FLG: variants seen among roughly 807,000 people sequenced by gnomAD.
FLG encodes filaggrin, also known as epidermal filaggrin.
Under a neutral mutation model 3.8 loss-of-function variants are expected in FLG, and 6 were observed. The observed-to-expected ratio is 1.60, with a 90% CI of 0.87 to 3.15. The LOEUF is 3.15. FLG is among the 30% of genes most tolerant of loss of function. FLG has a pLI of 0.00. For missense variants in FLG, 7,595 were observed against 5,050.9 expected, an observed-to-expected ratio of 1.50 and a Z score of -15.27; for synonymous variants, 2,551 against 1,931.6, an observed-to-expected ratio of 1.32 and a Z score of -8.41.
At position 152,302,867 on chromosome 1, in the gene FLG, C is replaced by A; in HGVS notation, c.12019G>T (p.Val4007Phe). 1 of 1,614,174 alleles carries A rather than the reference C, an allele frequency of 6.2e-7. No individual in the cohort carries two copies. Among genetic ancestry groups the A allele is most frequent in the Non-Finnish European group, 8.5e-7 (1 of 1,180,040 alleles). The part of the protein sequence containing the change: ...GSVSYNSNPV[V>F]FKERSDICKA... ...CAGATATCAGATCTTTCCTTGAAAA[C>A]AACAGGATTGGAATTGTAACTAACA... Residue 4007 changes from valine (V) to phenylalanine (F), a missense_variant, in exon 3 of 3, where the codon GTT becomes TTT. Transcript: ENST00000368799.
At chr1:152,324,484 T>A (rs1320315402) in intron 1 of FLG, among the ~76,000 whole-genome samples, 1 of 151,898 alleles carries the variant, frequency 6.6e-6, no homozygotes, top group Non-Finnish European at 1.5e-5. Flanking sequence ...GTTTCTTTTG[T>A]GTTTAAGATC....
Position 152,303,976 on chromosome 1 carries a change from G to C in FLG, c.10910C>G (p.Ser3637Cys), listed in dbSNP as rs547199803. The C allele has an allele frequency of 6.2e-7, 1 of 1,613,976 alleles. No homozygotes were observed. Among genetic ancestry groups the C allele is most frequent in the African/African-American group, 1.3e-5 (1 of 75,014 alleles). Residue 3637 changes from serine to cysteine, a missense_variant, in exon 3 of 3, where the codon TCC (serine) becomes TGC (cysteine). Transcript: ENST00000368799. The part of the protein sequence containing the change: ...GSHHQQSADS[S>C]RHSGIGHGQA... ...TCCGTGCCCAATGCCTGAGTGTCTG[G>C]AGCTGTCTGCTGACTGCTGGTGGTG...
intron 1 of FLG, among the ~76,000 whole-genome samples, chr1:152,323,595 C>G (rs970721611): frequency 6.6e-6 from 1 of 151,466 alleles, no homozygotes; most frequent in African/African-American, 2.4e-5. Context: ...GACCTCAATA[C>G]ACCCACCAAA....
At position 152,314,653 on chromosome 1, in the gene FLG, A is replaced by G. The variant is rs1652709887; in HGVS notation, c.233T>C (p.Val78Ala). 6.2e-7 allele frequency: 1 copy of G among 1,613,990 alleles called. No homozygotes were observed. The highest frequency in any genetic ancestry group is 1.3e-5 in the African/African-American group (1 of 74,920). ...KIDFTEFLLM[V>A]FKLAQAYYES... Reference sequence around the variant, plus strand: ...ATAATATGCTTGAGCCAACTTGAATACCATCAGAAGAAACTCAGTGAAGTC... The same window carrying G: ...ATAATATGCTTGAGCCAACTTGAATGCCATCAGAAGAAACTCAGTGAAGTC... Residue 78 changes from valine (V) to alanine (A), a missense_variant, in exon 3 of 3, where the codon GTA becomes GCA. By Grantham distance (64) the Val-to-Ala change is moderately conservative (BLOSUM62 0). Coordinates refer to ENST00000368799, the MANE Select transcript of FLG (RefSeq NM_002016.2).
chr1:152,322,811 T>C (rs1030673368), intron 1 of FLG, among the ~76,000 whole-genome samples: 3 of 151,444 alleles, frequency 2.0e-5, no homozygotes, highest in African/African-American at 7.3e-5. Context: ...CTTAAATTCA[T>C]TTATAGATGC....
rs2184953 is a variant in FLG, at chr1:152,308,306, A to G, written c.6580T>C (p.Tyr2194His). Residue 2194 changes from tyrosine to histidine, a missense_variant, in exon 3 of 3, where the codon TAT (tyrosine) becomes CAT (histidine). Physicochemically the swap from Tyr to His is moderately conservative, Grantham distance 83. Transcript: ENST00000368799. Reference sequence around the variant, plus strand: ...CCATCTCCTGATTGTTCCTTGTCATATGTTTTTCTGCTTGCACTTCTGGAT... The same window carrying G: ...CCATCTCCTGATTGTTCCTTGTCATGTGTTTTTCTGCTTGCACTTCTGGAT... Reference protein sequence around the residue: ...SGSRSASRKTYDKEQSGDGSR... With the variant: ...SGSRSASRKTHDKEQSGDGSR... 0.23 allele frequency: 376,527 copies of G among 1,613,226 alleles called. 63,839 individuals carry two copies. The highest frequency in any genetic ancestry group is 0.71 in the African/African-American group (52,934 of 74,824).
Position 152,310,757 on chromosome 1 carries a change from G to T in FLG, c.4129C>A (p.Gln1377Lys). The change falls in exon 3 of 3, where the codon CAA becomes AAA. Residue 1377 changes from glutamine to lysine, a missense_variant. Physicochemically the swap from Gln to Lys is moderately conservative, Grantham distance 53. Transcript: ENST00000368799. ...SSRHSGIGHR[Q>K]ASSAVRDSGH... The stretch of plus-strand genomic sequence containing the variant: ...CTGTCTCTGACTGCAGATGAAGCTT[G>T]TCTGTGCCCAATGCCTGAGTGTCTG... The T allele has an allele frequency of 6.2e-7, 1 of 1,614,024 alleles. No homozygotes were observed. The highest frequency in any genetic ancestry group is 8.5e-7 in the Non-Finnish European group (1 of 1,180,008).
chr1:152,303,038 G>T lies in FLG; in HGVS notation c.11848C>A (p.Pro3950Thr). The change falls in exon 3 of 3, where the codon CCT becomes ACT. Residue 3950 changes from proline (P) to threonine (T), a missense_variant. By Grantham distance (38) the Pro-to-Thr change is conservative. Coordinates refer to ENST00000368799, the MANE Select transcript of FLG (RefSeq NM_002016.2). Reference protein sequence around the residue: ...YHSGIQSRGSPHSSSSYHYQS... With the variant: ...YHSGIQSRGSTHSSSSYHYQS... ...TAATGATAAGAACTAGAACTGTGAG[G>T]ACTGCCACGTGACTGTATTCCTGAG... 2 of 1,614,144 alleles carry T rather than the reference G, an allele frequency of 1.2e-6. No individual in the cohort carries two copies. The highest frequency in any genetic ancestry group is 1.7e-6 in the Non-Finnish European group (2 of 1,180,034).
Position 152,312,590 on chromosome 1 carries a change from C to T in FLG, c.2296G>A (p.Gly766Arg), listed in dbSNP as rs779197735. ...CTCTGCTGATGGTGACCAGCCTGTCCATGGCCTGACACTGACTGTGTGTCT... is the reference window on the plus strand; with the variant it reads ...CTCTGCTGATGGTGACCAGCCTGTCTATGGCCTGACACTGACTGTGTGTCT... Reference protein sequence around the residue: ...DSDTQSVSGHGQAGHHQQSHQ... With the variant: ...DSDTQSVSGHRQAGHHQQSHQ... Residue 766 changes from glycine to arginine, a missense_variant, in exon 3 of 3, where the codon GGA (glycine) becomes AGA (arginine). Transcript: ENST00000368799. The T allele has an allele frequency of 1.9e-6, 3 of 1,613,730 alleles. No homozygotes were observed. Among genetic ancestry groups the T allele is most frequent in the Non-Finnish European group, 2.5e-6 (3 of 1,179,928 alleles).
rs767216620 is a variant in FLG at position 152,304,324 on chromosome 1, G to T, written c.10562C>A (p.Ser3521Tyr). 19 of 1,611,524 alleles carry T rather than the reference G, an allele frequency of 1.2e-5. No homozygotes were observed. Among genetic ancestry groups the T allele is most frequent in the Non-Finnish European group, 3.4e-6 (4 of 1,178,888 alleles). Residue 3521 changes from serine (S) to tyrosine (Y), a missense_variant, in exon 3 of 3, where the codon TCC becomes TAC. Transcript: ENST00000368799. ...TQADSSRHSQSGQGQSAGPRT... is the reference protein window; with the variant it reads ...TQADSSRHSQYGQGQSAGPRT... ...GGGCCCCGCTGATTGTCCCTGGCCGGACTGTGAGTGTCTAGAGCTGTCCGC... is the reference window on the plus strand; with the variant it reads ...GGGCCCCGCTGATTGTCCCTGGCCGTACTGTGAGTGTCTAGAGCTGTCCGC...
Position 152,312,646 on chromosome 1 carries a change from G to C in FLG, c.2240C>G (p.Ala747Gly), listed in dbSNP as rs755142336. Residue 747 changes from alanine to glycine, a missense_variant, in exon 3 of 3, where the codon GCC becomes GGC. Ala to Gly is a moderately conservative substitution (Grantham distance 60). Transcript: ENST00000368799. ...TTCTGAATGTCCCTCACTGTCAGTGGCCTGACTACCACTGGACCCTCGGTG... is the reference window on the plus strand; with the variant it reads ...TTCTGAATGTCCCTCACTGTCAGTGCCCTGACTACCACTGGACCCTCGGTG... ...SGHRGSSGSQ[A>G]TDSEGHSEDS... 6.2e-7 allele frequency: 1 copy of C among 1,613,744 alleles called. No homozygotes were observed. Among genetic ancestry groups the C allele is most frequent in the Non-Finnish European group, 8.5e-7 (1 of 1,179,986 alleles).
intron 1 of FLG, among the ~76,000 whole-genome samples, chr1:152,322,071 T>TA (rs1022507175): frequency 7.9e-5 from 12 of 151,228 alleles, no homozygotes; most frequent in African/African-American, 2.4e-4. Flanking sequence ...GAAAAATTGA[T>TA]AAAATCCAAT....
chr1:152,324,435 G>A (rs11587334), intron 1 of FLG, among the ~76,000 whole-genome samples: 2,285 of 151,934 alleles, frequency 0.015, 23 homozygotes, highest in Non-Finnish European at 0.022. Flanking sequence ...TTTGGGACAA[G>A]TTTACTCTTG....
intron 1 of FLG, among the ~76,000 whole-genome samples, chr1:152,324,908 T>C (rs1653099601): frequency 6.6e-6 from 1 of 151,918 alleles, no homozygotes. Context: ...CACTGCTGCA[T>C]AGATAGAGCC....
chr1:152,313,126 C>T lies in FLG; in HGVS notation c.1760G>A (p.Arg587His), dbSNP rs777197850. 7.7e-5 allele frequency: 125 copies of T among 1,613,692 alleles called. No homozygotes were observed. The highest frequency in any genetic ancestry group is 2.2e-4 in the East Asian group (10 of 44,826). The stretch of plus-strand genomic sequence containing the variant: ...AGCCTGAGAGGAAGCTTCATGATGA[C>T]GTGACCCTGAGTGCCTGGTGCCGTC... ...SGDGTRHSGS[R>H]HHEASSQADS... The change falls in exon 3 of 3, where the codon CGT becomes CAT. Residue 587 changes from arginine (R) to histidine (H), a missense_variant. By Grantham distance (29) the Arg-to-His change is conservative (BLOSUM62 0). Transcript: ENST00000368799.
In FLG at chr1:152,311,476, C is replaced by A. The variant is rs546382754; in HGVS notation, c.3410G>T (p.Ser1137Ile). 7 of 1,613,926 alleles carry A rather than the reference C, an allele frequency of 4.3e-6. No individual in the cohort carries two copies. The East Asian group carries it at 8.9e-5, about 21-fold the overall frequency. ...SESAHGRTRTSTGRRQGSHHE... is the reference protein window; with the variant it reads ...SESAHGRTRTITGRRQGSHHE... ...GTGGGATCCTTGTCTTCGTCCAGTG[C>A]TGGTCCTGGTCCGCCCATGGGCAGA... The change falls in exon 3 of 3, where the codon AGC becomes ATC. Residue 1137 changes from serine to isoleucine, a missense_variant. Ser to Ile is a moderately radical substitution (Grantham distance 142). Coordinates refer to ENST00000368799, the MANE Select transcript of FLG (RefSeq NM_002016.2).
intron 1 of FLG, among the ~76,000 whole-genome samples, chr1:152,320,669 G>GT (rs1652933243): frequency 6.6e-6 from 1 of 151,012 alleles, no homozygotes; most frequent in Admixed American, 6.6e-5. Context: ...TAAAAAATAT[G>GT]TAAGAATGTA....
rs1412211386 is a variant in FLG, at chr1:152,313,031, A to G, written c.1855T>C (p.Ser619Pro). 2 of 1,613,776 alleles carry G rather than the reference A, an allele frequency of 1.2e-6. No individual in the cohort carries two copies. The highest frequency in any genetic ancestry group is 1.7e-6 in the Non-Finnish European group (2 of 1,179,960). ...SGPRTSRNQG[S>P]SVSQDSDSQG... Reference sequence around the variant, plus strand: ...CTGTCACTGTCCTGGCTAACACTGGATCCCTGGTTCCTACTTGTCCTGGGC... The same window carrying G: ...CTGTCACTGTCCTGGCTAACACTGGGTCCCTGGTTCCTACTTGTCCTGGGC... Residue 619 changes from serine to proline, a missense_variant, in exon 3 of 3, where the codon TCC becomes CCC. Ser to Pro is a moderately conservative substitution (Grantham distance 74, BLOSUM62 -1). Transcript: ENST00000368799.
In FLG at chr1:152,302,482, G is replaced by C; in HGVS notation, c.*218C>G. On this transcript the variant is annotated 3_prime_UTR_variant, in exon 3 of 3. Transcript: ENST00000368799. ...TAGTTTTCTAAAGTTAGCTCTCCAT[G>C]ATATTGATTTCTTCCATTTAATATT... 1 of 605,828 alleles carries C rather than the reference G, an allele frequency of 1.7e-6. No homozygotes were observed. The highest frequency in any genetic ancestry group is 2.8e-6 in the Non-Finnish European group (1 of 357,166). 37.5% of individuals were successfully genotyped at this position (605,828 alleles called of 1,614,324 possible).
Sources: gnomAD v4.1 joint callset for allele counts (sites outside exome capture counted in the v4.1 genomes callset) on GRCh38, gnomAD v4.1.1 for gene constraint, MANE v1.5 for transcripts, NCBI Gene and HGNC (gene_info 2026-07-23, HGNC 2026-07-21) for gene names.